Variants in FBXL7 observed in about 807,000 individuals in gnomAD.
The protein encoded by FBXL7 is F-box/LRR-repeat protein 7.
Under a neutral mutation model 38.3 loss-of-function variants are expected in FBXL7, and 12 were observed. The observed-to-expected ratio is 0.31, with a 90% CI of 0.20 to 0.51. FBXL7 has a LOEUF of 0.51. Ranked by LOEUF, FBXL7 falls within the 20% of genes least tolerant of loss-of-function variation. The pLI is 0.98. For synonymous variants in FBXL7, 297 were observed against 300.9 expected (o/e 0.99, Z 0.13); for missense variants, 567 against 676.4 (o/e 0.84, Z 1.79).
intron 2 of FBXL7, among the ~76,000 whole-genome samples, chr5:15,719,029 G>T (rs571914468): frequency 6.6e-6 from 1 of 152,158 alleles, no homozygotes; most frequent in Non-Finnish European, 1.5e-5. Flanking sequence ...TGCATCCTAG[G>T]AACTGACTCA....
chr5:15,810,631 A>G lies in FBXL7; in HGVS notation c.128-117259A>G, dbSNP rs185472053. Among the ~76,000 whole-genome samples the G allele has an allele frequency of 3.0e-4, 45 of 151,972 alleles. No homozygotes were observed. The East Asian group carries it at 8.7e-3, about 29-fold the overall frequency. On this transcript the variant is annotated intron_variant, in intron 2 of 3. Coordinates refer to ENST00000504595, the MANE Select transcript of FBXL7 (RefSeq NM_012304.5). ...ATTAATATGAATGCCACAATTGCAA[A>G]TTTTTTATTTGCATCTTTATTTTAT... is the stretch of plus-strand genomic sequence containing the variant.
chr5:15,591,405 G>A (rs1408490724), intron 1 of FBXL7, among the ~76,000 whole-genome samples: 1 of 150,984 alleles, frequency 6.6e-6, no homozygotes, highest in African/African-American at 2.4e-5. Flanking sequence ...CTCCAGCCTG[G>A]GCAACAGAGT....
chr5:15,747,028 G>T (rs569025379), intron 2 of FBXL7, among the ~76,000 whole-genome samples: 139 of 152,226 alleles, frequency 9.1e-4, no homozygotes, highest in African/African-American at 3.2e-3. Context: ...CTTGTTCATG[G>T]ATCATGCTGT....
chr5:15,555,177 CAT>C (rs1330731455), intron 1 of FBXL7, among the ~76,000 whole-genome samples: 3 of 152,212 alleles, frequency 2.0e-5, no homozygotes, highest in Non-Finnish European at 4.4e-5. Flanking sequence ...CAAACTCACA[CAT>C]GTGTGCACGC....
intron 2 of FBXL7, among the ~76,000 whole-genome samples, chr5:15,830,356 C>T (rs537714698): frequency 9.9e-5 from 15 of 152,014 alleles, no homozygotes; most frequent in African/African-American, 3.4e-4. Flanking sequence ...TGGTGGCACA[C>T]GCCTGTAATC....
At chr5:15,511,837 GTCCTTA>G (rs1444789129) in intron 1 of FBXL7, among the ~76,000 whole-genome samples, 1 of 152,160 alleles carries the variant, frequency 6.6e-6, no homozygotes, top group Non-Finnish European at 1.5e-5. Context: ...AGAAGTCTGG[GTCCTTA>G]TTGGTCATCT....
At chr5:15,895,257 T>C (rs1257445643) in intron 2 of FBXL7, among the ~76,000 whole-genome samples, 3 of 152,030 alleles carry the variant, frequency 2.0e-5, no homozygotes, top group African/African-American at 7.2e-5. Context: ...AGATAATCAT[T>C]TTTCCTCTTT....
At chr5:15,819,268 G>GT in intron 2 of FBXL7, among the ~76,000 whole-genome samples, 3 of 152,046 alleles carry the variant, frequency 2.0e-5, no homozygotes, top group African/African-American at 7.2e-5. Flanking sequence ...GATCCTGTAA[G>GT]ATAGGTGAAT....
chr5:15,668,051 C>G (rs887298432), intron 2 of FBXL7, among the ~76,000 whole-genome samples: 2 of 152,178 alleles, frequency 1.3e-5, no homozygotes, highest in African/African-American at 4.8e-5. Flanking sequence ...ACCTCTGCCA[C>G]CATAACTACT....
At chr5:15,609,951 C>A (rs1439108969) in intron 1 of FBXL7, among the ~76,000 whole-genome samples, 1 of 152,168 alleles carries the variant, frequency 6.6e-6, no homozygotes, top group East Asian at 1.9e-4. Context: ...AATGGACTCA[C>A]AGTTCCACAT....
intron 2 of FBXL7, among the ~76,000 whole-genome samples, chr5:15,915,094 T>G (rs1284663217): frequency 6.6e-6 from 1 of 152,212 alleles, no homozygotes; most frequent in Non-Finnish European, 1.5e-5. Flanking sequence ...TGGGAGAACA[T>G]GAGCATGTGC....
At chr5:15,930,325 A>G (rs1387812541) in intron 3 of FBXL7, among the ~76,000 whole-genome samples, 1 of 152,228 alleles carries the variant, frequency 6.6e-6, no homozygotes, top group Non-Finnish European at 1.5e-5. Flanking sequence ...TTTAAAAGAA[A>G]TGGCGAAGGA....
intron 2 of FBXL7, among the ~76,000 whole-genome samples, chr5:15,836,414 G>A (rs1738594443): frequency 6.6e-6 from 1 of 152,176 alleles, no homozygotes; most frequent in Non-Finnish European, 1.5e-5. Context: ...ACTAGATCAT[G>A]TTAAGAGAGA....
intron 2 of FBXL7, among the ~76,000 whole-genome samples, chr5:15,711,522 C>T (rs1416744986): frequency 6.6e-6 from 1 of 152,202 alleles, no homozygotes; most frequent in African/African-American, 2.4e-5. Flanking sequence ...CGAGTTAGGA[C>T]TTCAACATAA....
chr5:15,593,530 G>A (rs1357822542), intron 1 of FBXL7, among the ~76,000 whole-genome samples: 4 of 151,954 alleles, frequency 2.6e-5, no homozygotes, highest in African/African-American at 9.7e-5. Context: ...TCTCAAAAAA[G>A]AAATAAGCAG....
intron 2 of FBXL7, among the ~76,000 whole-genome samples, chr5:15,821,856 C>T (rs930210428): frequency 3.1e-4 from 47 of 152,268 alleles, no homozygotes; most frequent in African/African-American, 9.6e-4. Context: ...CCTCATTTCC[C>T]CCTTATCCTT....
At chr5:15,521,109 G>A (rs567772152) in intron 1 of FBXL7, among the ~76,000 whole-genome samples, 2 of 152,306 alleles carry the variant, frequency 1.3e-5, no homozygotes, top group South Asian at 2.1e-4. Flanking sequence ...CTAGTTGCCC[G>A]ATCTTGTGCA....
intron 1 of FBXL7, among the ~76,000 whole-genome samples, chr5:15,544,681 T>C (rs1580361799): frequency 6.6e-6 from 1 of 152,180 alleles, no homozygotes; most frequent in Middle Eastern, 3.2e-3. Flanking sequence ...GAGTAGAGTA[T>C]GGATACAGAG....
At position 15,867,361 on chromosome 5, in the gene FBXL7, G is replaced by A. The variant is rs930064430; in HGVS notation, c.128-60529G>A. ...TCCTTAAGACTTAACTCAAACACAC[G>A]TCCTACAGAAAGCCTGTCTTGACAG... On this transcript the variant is annotated intron_variant, in intron 2 of 3. Transcript: ENST00000504595. Among the ~76,000 whole-genome samples the A allele has an allele frequency of 3.9e-5, 6 of 152,074 alleles. No individual in the cohort carries two copies. The South Asian group carries it at 6.2e-4, about 16-fold the overall frequency.
Sources: allele counts gnomAD v4.1 joint callset (sites outside exome capture counted in the v4.1 genomes callset), GRCh38; gene constraint gnomAD v4.1.1; transcripts MANE v1.5; gene names NCBI Gene and HGNC (gene_info 2026-07-23, HGNC 2026-07-21).